The following PCDHGA1 variants were observed in gnomAD, a reference collection of about 807,000 sequenced individuals.
PCDHGA1 encodes the protein protocadherin gamma-A1.
A neutral mutation model predicts 58.0 loss-of-function variants in PCDHGA1; 32 were observed. That is an observed-to-expected ratio of 0.55 (90% CI 0.42 to 0.74). The LOEUF (loss-of-function observed/expected upper bound fraction) is 0.74. Among genes scored for constraint, PCDHGA1 ranks in the 30% least tolerant of loss-of-function variants. PCDHGA1 has a pLI of 0.00. For synonymous variants in PCDHGA1, 498 were observed against 501.1 expected, an observed-to-expected ratio of 0.99 and a Z score of 0.08; for missense variants, 1,205 against 1,182.3, an observed-to-expected ratio of 1.02 and a Z score of -0.28.
Position 141,332,425 on chromosome 5 carries a change from T to G in PCDHGA1, c.1741T>G (p.Ser581Ala), listed in dbSNP as rs746095701. The G allele has an allele frequency of 3.1e-6, 5 of 1,613,754 alleles. No homozygotes were observed. The highest frequency in any genetic ancestry group is 4.2e-6 in the Non-Finnish European group (5 of 1,180,004). ...GSTGVELAPLSAEPGYLVTKV... is the reference protein window; with the variant it reads ...GSTGVELAPLAAEPGYLVTKV... ...TACCGGCGTGGAGCTGGCGCCCCTCTCCGCAGAGCCCGGCTACCTGGTGAC... is the reference window on the plus strand; with the variant it reads ...TACCGGCGTGGAGCTGGCGCCCCTCGCCGCAGAGCCCGGCTACCTGGTGAC... The change falls in exon 1 of 4, where the codon TCC (serine) becomes GCC (alanine). Residue 581 changes from serine (S) to alanine (A), a missense_variant. Physicochemically the swap from Ser to Ala is moderately conservative, Grantham distance 99. Transcript: ENST00000517417. This position sits in a 1 kb window ranked among gnomAD's most constrained non-coding sequence, Gnocchi z 4.6.
At chr5:141,366,944 T>C in intron 1 of PCDHGA1, 1 of 777,882 alleles carries the variant, frequency 1.3e-6, no homozygotes, top group South Asian at 2.1e-5. Flanking sequence ...GTCTAGCTGA[T>C]ATCTGTAGAC....
At chr5:141,338,898 A>T in intron 1 of PCDHGA1, 1 of 1,486,074 alleles carries the variant, frequency 6.7e-7, no homozygotes. Context: ...GTTATCTCAC[A>T]CCCTGAGGAA....
intron 1 of PCDHGA1, among the ~76,000 whole-genome samples, chr5:141,450,005 TC>T (rs2098662434): frequency 1.0e-5 from 1 of 99,604 alleles, no homozygotes; most frequent in Non-Finnish European, 1.8e-5. Flanking sequence ...TTGCCATGTC[TC>T]TTTTTTTTTT....
In PCDHGA1 at chr5:141,430,746, G is replaced by A. The variant is rs369205374; in HGVS notation, c.2422-64061G>A. ...TAAGGGCAGAATTGAAAATAATTCTGGAGGAAGATAAGAATGATTCCTGCG... is the reference window on the plus strand; with the variant it reads ...TAAGGGCAGAATTGAAAATAATTCTAGAGGAAGATAAGAATGATTCCTGCG... On this transcript the variant is annotated intron_variant, in intron 1 of 3. Coordinates refer to ENST00000517417, the MANE Select transcript of PCDHGA1 (RefSeq NM_018912.3). 3.3e-5 allele frequency: 49 copies of A among 1,500,684 alleles called. No homozygotes were observed. The African/African-American group carries it at 6.3e-4, about 19-fold the overall frequency. The allele number at this position is 1,500,684 out of a possible 1,614,324, so 93.0% of individuals were successfully genotyped here.
intron 1 of PCDHGA1, chr5:141,376,551 C>T: frequency 6.2e-7 from 1 of 1,611,758 alleles, no homozygotes; most frequent in South Asian, 1.1e-5. Flanking sequence ...TCTGATCTTC[C>T]CGCAACCCAA....
At chr5:141,383,981 C>T in intron 1 of PCDHGA1, 3 of 1,613,792 alleles carry the variant, frequency 1.9e-6, no homozygotes, top group Non-Finnish European at 2.5e-6. Context: ...GAAGACACAC[C>T]TCTTGGGACA....
intron 1 of PCDHGA1, chr5:141,344,859 C>G (rs760943952): frequency 1.2e-6 from 2 of 1,613,788 alleles, no homozygotes; most frequent in Non-Finnish European, 1.7e-6. Context: ...ATTCAATGCT[C>G]AAGTGTCTTA....
chr5:141,383,308 G>T, intron 1 of PCDHGA1: 1 of 1,613,976 alleles, frequency 6.2e-7, no homozygotes, highest in Non-Finnish European at 8.5e-7. Context: ...CTTGACGGAA[G>T]AAATAAATGT....
At chr5:141,352,729 C>A in intron 1 of PCDHGA1, 2 of 1,517,986 alleles carry the variant, frequency 1.3e-6, no homozygotes. Flanking sequence ...GTGGCTCAAG[C>A]CTGTAATCCC....
intron 1 of PCDHGA1, among the ~76,000 whole-genome samples, chr5:141,425,410 A>G (rs1283299220): frequency 2.0e-5 from 3 of 152,240 alleles, no homozygotes; most frequent in African/African-American, 7.2e-5. Flanking sequence ...TTAAGGTATA[A>G]CATATAGTCC....
chr5:141,431,790 C>T lies in PCDHGA1; in HGVS notation c.2422-63017C>T, dbSNP rs2097417829. On this transcript the variant is annotated intron_variant, in intron 1 of 3. Transcript: ENST00000517417. This position sits in a 1 kb window ranked among gnomAD's most constrained non-coding sequence, Gnocchi z 4.8. The stretch of plus-strand genomic sequence containing the variant: ...ACTGTTCTGGACGTGAACGACAATG[C>T]CCCAGAAGTGGTCCTCACCTCTCTC... 4.3e-6 allele frequency: 7 copies of T among 1,614,186 alleles called. No individual in the cohort carries two copies. The highest frequency in any genetic ancestry group is 5.9e-6 in the Non-Finnish European group (7 of 1,180,016).
At chr5:141,401,278 G>A (rs1355696847) in intron 1 of PCDHGA1, among the ~76,000 whole-genome samples, 4 of 152,160 alleles carry the variant, frequency 2.6e-5, no homozygotes, top group African/African-American at 9.7e-5. Context: ...GCAGGTGGAG[G>A]TTGCGGTGAG....
chr5:141,501,715 C>G lies in PCDHGA1; in HGVS notation c.2481-3678C>G, dbSNP rs139761188. On this transcript the variant is annotated intron_variant, in intron 2 of 3. Coordinates refer to ENST00000517417, the MANE Select transcript of PCDHGA1 (RefSeq NM_018912.3). ...AGGGTGATTCCGAGGATAAAAAAGA[C>G]AAATATATTACCCAGTCAGCTTAGA... 1.3e-3 allele frequency among the ~76,000 whole-genome samples: 192 copies of G among 152,192 alleles called. 1 individual carries two copies. The highest frequency in any genetic ancestry group is 4.5e-3 in the African/African-American group (185 of 41,512).
In PCDHGA1 at chr5:141,384,899, G is replaced by A; in HGVS notation, c.2421+51794G>A. On this transcript the variant is annotated intron_variant, in intron 1 of 3. Transcript: ENST00000517417. ...ACACTCACCGTGGCTGTGGCTGACA[G>A]CATCCCCGAAGTCTTGGCCGACCTG... The A allele has an allele frequency of 1.9e-6, 3 of 1,613,894 alleles. No homozygotes were observed. In the East Asian group the frequency reaches 6.7e-5, roughly 36 times the overall value.
chr5:141,419,137 C>G, intron 1 of PCDHGA1: 2 of 1,613,892 alleles, frequency 1.2e-6, no homozygotes, highest in Non-Finnish European at 1.7e-6. Context: ...CAGCCACAGA[C>G]AGGGGCAAGC....
chr5:141,370,186 G>A (rs1032273618), intron 1 of PCDHGA1: 2 of 508,450 alleles, frequency 3.9e-6, no homozygotes, highest in Non-Finnish European at 6.8e-6. Flanking sequence ...GCCGCTCTTG[G>A]CTAGTGCTGT....
At chr5:141,339,967 G>A (rs760732408) in intron 1 of PCDHGA1, 1 of 1,614,122 alleles carries the variant, frequency 6.2e-7, no homozygotes, top group South Asian at 1.1e-5. Flanking sequence ...CCAGAGCGAA[G>A]GTTATCGTCA....
Position 141,510,868 on chromosome 5 carries a change from T to C in PCDHGA1, c.2570-79T>C, listed in dbSNP as rs2099883142. 40 of 1,608,466 alleles carry C rather than the reference T, an allele frequency of 2.5e-5. No homozygotes were observed. The Middle Eastern group carries it at 4.9e-4, about 20-fold the overall frequency. On this transcript the variant is annotated intron_variant, in intron 3 of 3. Transcript: ENST00000517417. The stretch of plus-strand genomic sequence containing the variant: ...GCCCAGGGTGCTGTATAGGCATTCA[T>C]TAACTGCTGGGGATATAAGACAGTG...
At chr5:141,417,052 CTT>C (rs1308339867) in intron 1 of PCDHGA1, 2 of 151,464 alleles carry the variant, frequency 1.3e-5, no homozygotes, top group African/African-American at 4.9e-5. Context: ...AAAAACTGCT[CTT>C]GACATTGTAG....
Sources: gnomAD v4.1 joint callset for allele counts (sites outside exome capture counted in the v4.1 genomes callset) on GRCh38, gnomAD v4.1.1 for gene constraint, Gnocchi (gnomAD v3.1) non-coding constraint, MANE v1.5 for transcripts, NCBI Gene and HGNC (gene_info 2026-07-23, HGNC 2026-07-21) for gene names.